Variants in PCDH11X observed in about 807,000 individuals in gnomAD.
PCDH11X encodes the protein protocadherin-11 X-linked.
Under a neutral mutation model 53.3 loss-of-function variants are expected in PCDH11X, and 18 were observed. The observed-to-expected ratio is 0.34, with a 90% CI of 0.23 to 0.50. The LOEUF (loss-of-function observed/expected upper bound fraction) is 0.50. PCDH11X is among the 20% of genes least tolerant of loss of function. The probability of loss-of-function intolerance (pLI) is 0.98; values close to 1 mark genes in which losing one functional copy is unlikely to be tolerated. For missense variants in PCDH11X, 570 were observed against 1,032.4 expected (o/e 0.55, Z 6.14); for synonymous variants, 279 against 393.3 (o/e 0.71, Z 3.44).
intron 10 of PCDH11X, among the ~76,000 whole-genome samples, chrX:92,566,270 T>C (rs1013533840): frequency 2.7e-5 from 3 of 109,584 alleles, no homozygotes; most frequent in African/African-American, 9.9e-5. Context: ...TATAATTTTA[T>C]ATTATTTAAA....
intron 9 of PCDH11X, among the ~76,000 whole-genome samples, chrX:92,389,289 T>C (rs1385724990): frequency 4.5e-5 from 5 of 111,467 alleles, no homozygotes; most frequent in Non-Finnish European, 9.4e-5. Context: ...GTTGTGATTA[T>C]ATTTACTTGT....
chrX:92,089,906 T>C (rs2064021654), intron 6 of PCDH11X, among the ~76,000 whole-genome samples: 1 of 106,675 alleles, frequency 9.4e-6, no homozygotes, highest in Non-Finnish European at 1.9e-5. Flanking sequence ...TTAAATAAAT[T>C]GACAGACTGC....
At chrX:92,611,556 T>C (rs1355638956) in intron 10 of PCDH11X, among the ~76,000 whole-genome samples, 1 of 110,276 alleles carries the variant, frequency 9.1e-6, no homozygotes, top group Non-Finnish European at 1.9e-5. Flanking sequence ...CTTCTTTTCC[T>C]GATTAGATCC....
At chrX:92,566,578 A>G (rs1412464402) in intron 10 of PCDH11X, among the ~76,000 whole-genome samples, 1 of 103,677 alleles carries the variant, frequency 9.6e-6, no homozygotes, top group East Asian at 3.0e-4. Context: ...ACACCTTAAA[A>G]TATACTTTAT....
At chrX:92,436,903 A>G (rs1165828179) in intron 9 of PCDH11X, among the ~76,000 whole-genome samples, 3 of 107,979 alleles carry the variant, frequency 2.8e-5, no homozygotes, top group Non-Finnish European at 5.8e-5. Context: ...TAATCTGTAC[A>G]GCAAACTTCC....
intron 6 of PCDH11X, among the ~76,000 whole-genome samples, chrX:91,946,642 A>G (rs773335449): frequency 1.1e-5 from 1 of 92,956 alleles, no homozygotes; most frequent in South Asian, 5.4e-4. Context: ...TGATATATTT[A>G]TCTTTATGTG....
chrX:92,337,107 T>C (rs1405565993), intron 8 of PCDH11X, among the ~76,000 whole-genome samples: 1 of 109,844 alleles, frequency 9.1e-6, no homozygotes, highest in Admixed American at 9.7e-5. Context: ...GTGATCTTTA[T>C]GTAGATGAAA....
At chrX:91,971,787 G>A (rs1465515092) in intron 6 of PCDH11X, among the ~76,000 whole-genome samples, 4 of 111,274 alleles carry the variant, frequency 3.6e-5, no homozygotes, top group Non-Finnish European at 7.5e-5. Context: ...AACATGGAGA[G>A]AACTTGTTTT....
intron 6 of PCDH11X, among the ~76,000 whole-genome samples, chrX:91,968,594 T>G (rs2061900296): frequency 9.0e-6 from 1 of 111,578 alleles, no homozygotes; most frequent in Non-Finnish European, 1.9e-5. Flanking sequence ...TTTCTGAGGC[T>G]AATAAGACTT....
At chrX:91,930,599 A>T (rs201558942) in intron 6 of PCDH11X, among the ~76,000 whole-genome samples, 2 of 105,297 alleles carry the variant, frequency 1.9e-5, no homozygotes, top group East Asian at 3.0e-4. Context: ...GAAAAAAAAA[A>T]CTTTGGGGTA....
At chrX:92,387,970 G>A (rs2071045939) in intron 9 of PCDH11X, 37 bp downstream of exon 9, 1 of 1,191,375 alleles carries the variant, frequency 8.4e-7, no homozygotes, top group South Asian at 1.8e-5. Flanking sequence ...ATATAAACGG[G>A]CTTACTGTGT....
At chrX:91,791,856 C>T (rs1935554487) in intron 1 of PCDH11X, among the ~76,000 whole-genome samples, 1 of 80,103 alleles carries the variant, frequency 1.2e-5, no homozygotes, top group Non-Finnish European at 2.3e-5. Context: ...ACGATCAGTA[C>T]ATTTTTTTTT....
At chrX:92,342,754 C>A (rs753687566) in intron 8 of PCDH11X, among the ~76,000 whole-genome samples, 2 of 111,012 alleles carry the variant, frequency 1.8e-5, no homozygotes, top group East Asian at 5.7e-4. Flanking sequence ...CCTATGCTCA[C>A]TAGCTGAGTG....
At position 92,059,706 on chromosome X, in the gene PCDH11X, A is replaced by G. The variant is rs547687974; in HGVS notation, c.3034-141669A>G. ...TAGATTTATATCATACCTGCATAGA[A>G]GAAAGTATGGCACACTGATTTTTAT... On this transcript the variant is annotated intron_variant, in intron 6 of 10. Coordinates refer to ENST00000682573, the MANE Select transcript of PCDH11X (RefSeq NM_032968.5). Among the ~76,000 whole-genome samples the G allele has an allele frequency of 2.3e-4, 25 of 110,936 alleles. 1 individual carries two copies. In the South Asian group the frequency reaches 9.5e-3, roughly 42 times the overall value.
chrX:92,222,541 T>TTTG (rs1461694538), intron 7 of PCDH11X, among the ~76,000 whole-genome samples: 16 of 111,871 alleles, frequency 1.4e-4, no homozygotes, highest in African/African-American at 4.2e-4. Flanking sequence ...GTAGAATTCT[T>TTTG]TTGTTGTTGT....
intron 6 of PCDH11X, among the ~76,000 whole-genome samples, chrX:92,200,642 C>T (rs1280256072): frequency 1.8e-5 from 2 of 111,466 alleles, no homozygotes; most frequent in Non-Finnish European, 3.8e-5. Flanking sequence ...TGAGGATCTG[C>T]GTCCTCAATG....
intron 6 of PCDH11X, among the ~76,000 whole-genome samples, chrX:91,999,845 A>G (rs1431396646): frequency 9.0e-6 from 1 of 111,285 alleles, no homozygotes; most frequent in Non-Finnish European, 1.9e-5. Flanking sequence ...ATGTCCTTGG[A>G]TTAAGGCTAC....
At chrX:92,057,834 T>A (rs1229351137) in intron 6 of PCDH11X, among the ~76,000 whole-genome samples, 1 of 104,949 alleles carries the variant, frequency 9.5e-6, no homozygotes. Context: ...GACATTTTAC[T>A]CATTATGTTG....
At chrX:91,829,745 A>C (rs1250859516) in intron 4 of PCDH11X, among the ~76,000 whole-genome samples, 1 of 111,535 alleles carries the variant, frequency 9.0e-6, no homozygotes, top group Non-Finnish European at 1.9e-5. Context: ...TTGATAAAAA[A>C]TATTTAATAT....
Sources: allele counts gnomAD v4.1 joint callset (sites outside exome capture counted in the v4.1 genomes callset), GRCh38; gene constraint gnomAD v4.1.1; transcripts MANE v1.5; gene names NCBI Gene and HGNC (gene_info 2026-07-23, HGNC 2026-07-21).